TASOR2: variants seen among roughly 807,000 people sequenced by gnomAD.
The protein encoded by TASOR2 is transcription activation suppressor family member 2, also known as protein TASOR 2.
In TASOR2, 84 loss-of-function variants were observed where a neutral mutation model predicts 199.5. That is an observed-to-expected ratio of 0.42 (90% CI 0.35 to 0.50). TASOR2 has a LOEUF of 0.50. Ranked by LOEUF, TASOR2 falls within the 20% of genes least tolerant of loss-of-function variation. The pLI is 0.02. For synonymous variants in TASOR2, 1,103 were observed against 1,046.6 expected (o/e 1.05, Z -1.04); for missense variants, 2,796 against 2,835.9 (o/e 0.99, Z 0.32).
chr10:5,761,960 G>A (rs969682042), intron 19 of TASOR2, among the ~76,000 whole-genome samples: 4 of 151,910 alleles, frequency 2.6e-5, no homozygotes, highest in Admixed American at 6.6e-5. Context: ...CTTGAACCCC[G>A]GAGGCAGAGG....
In TASOR2 at chr10:5,687,148, T is replaced by C. The variant is rs541427436; in HGVS notation, c.-288+1973T>C. Among the ~76,000 whole-genome samples the C allele has an allele frequency of 6.6e-6, 1 of 152,326 alleles. No homozygotes were observed. The highest frequency in any genetic ancestry group is 1.9e-4 in the East Asian group (1 of 5,192). ...AAGCGTATCTGTGTAATAAATATGC[T>C]TTTTGTCAGTACATGTTAATGGTAT... On this transcript the variant is annotated intron_variant, in intron 1 of 20. Coordinates refer to ENST00000328090, the Ensembl canonical transcript of TASOR2. This position sits in a 1 kb window ranked among gnomAD's most constrained non-coding sequence, Gnocchi z 4.8.
rs1837382848 is a variant in TASOR2 at position 5,698,195 on chromosome 10, G to C, written c.-288+13020G>C. Among the ~76,000 whole-genome samples, 1 of 152,200 alleles carries C rather than the reference G, an allele frequency of 6.6e-6. No homozygotes were observed. Among genetic ancestry groups the C allele is most frequent in the South Asian group, 2.1e-4 (1 of 4,832 alleles). ...TCAGTTTCAAGCCTAAGCCTTAAGA[G>C]GCCTTGGGTATTTTTATTTGTTCTC... On this transcript the variant is annotated intron_variant, in intron 1 of 20. Coordinates refer to ENST00000328090, the Ensembl canonical transcript of TASOR2. The surrounding 1 kb of genome is among the most constrained non-coding windows in gnomAD (Gnocchi z 4.4).
chr10:5,748,065 A>G lies in TASOR2; in HGVS notation c.4644A>G (p.Ser1548=). 6.2e-7 allele frequency: 1 copy of G among 1,614,258 alleles called. No individual in the cohort carries two copies. Among genetic ancestry groups the G allele is most frequent in the Non-Finnish European group, 8.5e-7 (1 of 1,180,042 alleles). ...CTTCTCCTGAAAAACTGGTAAAATC[A>G]GGAAATCCATTGCAGCCAGTTAGTA... The change falls in exon 15 of 21, where the codon TCA becomes TCG. Residue 1548 remains serine, a synonymous_variant. Transcript: ENST00000328090. This position sits in a 1 kb window ranked among gnomAD's most constrained non-coding sequence, Gnocchi z 5.1.
chr10:5,698,980 G>A lies in TASOR2; in HGVS notation c.-288+13805G>A, dbSNP rs192698985. On this transcript the variant is annotated intron_variant, in intron 1 of 20. Coordinates refer to ENST00000328090, the Ensembl canonical transcript of TASOR2. This position sits in a 1 kb window ranked among gnomAD's most constrained non-coding sequence, Gnocchi z 4.4. Reference sequence around the variant, plus strand: ...GAAGAGCAAGCCATTCTACTCTAAGGTATATACGTAAGAGAAATGAAAACA... The same window carrying A: ...GAAGAGCAAGCCATTCTACTCTAAGATATATACGTAAGAGAAATGAAAACA... Among the ~76,000 whole-genome samples the A allele has an allele frequency of 3.6e-3, 547 of 152,180 alleles. 5 individuals are homozygous for A. The highest frequency in any genetic ancestry group is 7.7e-3 in the Admixed American group (117 of 15,260).
chr10:5,763,081 A>ATCT (rs1315822069), exon 21 of TASOR2: 2 of 1,598,746 alleles, frequency 1.3e-6, no homozygotes, highest in Admixed American at 3.4e-5. Flanking sequence ...AAAAATTAGT[A>ATCT]TTTTCCCTTT....
rs568139170 is a variant in TASOR2 at position 5,688,082 on chromosome 10, T to C, written c.-288+2907T>C. On this transcript the variant is annotated intron_variant, in intron 1 of 20. Transcript: ENST00000328090. Reference sequence around the variant, plus strand: ...TGCTTTTGTATTCATTGTGTTGCCATGTATTATTTTGGTTGAAGTGCATGA... The same window carrying C: ...TGCTTTTGTATTCATTGTGTTGCCACGTATTATTTTGGTTGAAGTGCATGA... 2.0e-3 allele frequency among the ~76,000 whole-genome samples: 312 copies of C among 152,328 alleles called. 3 individuals carry two copies. The Middle Eastern group carries it at 0.034, about 17-fold the overall frequency.
intron 3 of TASOR2, among the ~76,000 whole-genome samples, chr10:5,718,225 G>A (rs540139549): frequency 2.0e-5 from 3 of 152,040 alleles, no homozygotes; most frequent in African/African-American, 7.2e-5. Flanking sequence ...GTACTGTTAA[G>A]TGAATCGTGC....
chr10:5,716,913 A>AATATAT (rs1016030199), intron 2 of TASOR2, among the ~76,000 whole-genome samples: 1 of 147,570 alleles, frequency 6.8e-6, no homozygotes, highest in African/African-American at 2.5e-5. Context: ...TATAAATATA[A>AATATAT]ATATATATAT....
In TASOR2 at chr10:5,723,030, A is replaced by G. The variant is rs1257244444; in HGVS notation, c.147-647A>G. Among the ~76,000 whole-genome samples, 27 of 141,618 alleles carry G rather than the reference A, an allele frequency of 1.9e-4. No homozygotes were observed. The Admixed American group carries it at 1.9e-3, about 10-fold the overall frequency. The allele number at this position is 141,618 out of a possible 152,430, so 92.9% of individuals were successfully genotyped here. On this transcript the variant is annotated intron_variant, in intron 6 of 20. Transcript: ENST00000328090. ...CTCACACACAAAAAAAGGAAAAAGT[A>G]GTCAGGAAATAACTTTTTTTTTTTT...
At chr10:5,739,446 A>G (rs115195338) in intron 12 of TASOR2, among the ~76,000 whole-genome samples, 172 bp from the exon 14 acceptor site, 3,754 of 152,336 alleles carry the variant, frequency 0.025, 58 homozygotes, top group South Asian at 0.037. Flanking sequence ...TGTATAACAT[A>G]AGTTTTATCT....
chr10:5,762,432 A>AG (rs1290999918), intron 19 of TASOR2, 100 bp from the exon 21 acceptor site: 2 of 382,022 alleles, frequency 5.2e-6, no homozygotes, highest in African/African-American at 4.3e-5. Flanking sequence ...CCCTCACACG[A>AG]GGAAGTTCCA....
chr10:5,752,925 G>A lies in TASOR2; in HGVS notation c.6606+2898G>A, dbSNP rs1219454522. On this transcript the variant is annotated intron_variant, in intron 15 of 20. Transcript: ENST00000328090. The surrounding 1 kb of genome is among the most constrained non-coding windows in gnomAD (Gnocchi z 4.4). ...GCTATTTAGACTTCATCCTGAGGTC[G>A]CTGGGAGCCACTGGAAAGGTTCTGT... Among the ~76,000 whole-genome samples the A allele has an allele frequency of 6.6e-6, 1 of 152,190 alleles. No homozygotes were observed. The highest frequency in any genetic ancestry group is 1.5e-5 in the Non-Finnish European group (1 of 68,026).
chr10:5,724,442 A>G, exon 8 of TASOR2: 1 of 1,532,656 alleles, frequency 6.5e-7, no homozygotes, highest in East Asian at 2.6e-5. Flanking sequence ...TGTTTTCAAG[A>G]TTTGTGCTTC....
chr10:5,709,701 G>T (rs1251749561), intron 1 of TASOR2: 2 of 1,218,348 alleles, frequency 1.6e-6, no homozygotes, highest in African/African-American at 3.1e-5. Flanking sequence ...CATAACTAAT[G>T]AATCCAGAAT....
Position 5,685,935 on chromosome 10 carries a change from G to C in TASOR2, c.-288+760G>C, listed in dbSNP as rs1835760711. On this transcript the variant is annotated intron_variant, in intron 1 of 20. Transcript: ENST00000328090. This position sits in a 1 kb window ranked among gnomAD's most constrained non-coding sequence, Gnocchi z 5.4. ...CAAAACTTAAATATGTGGCGTACAA[G>C]TGTATGGTATTATTGGAATGGCATT... Among the ~76,000 whole-genome samples, 1 of 152,196 alleles carries C rather than the reference G, an allele frequency of 6.6e-6. No individual in the cohort carries two copies. Among genetic ancestry groups the C allele is most frequent in the South Asian group, 2.1e-4 (1 of 4,832 alleles).
chr10:5,758,647 T>G (rs1839321157), intron 17 of TASOR2, among the ~76,000 whole-genome samples: 1 of 152,256 alleles, frequency 6.6e-6, no homozygotes. Context: ...TGGTGACCAC[T>G]CCACTGTGTT....
chr10:5,695,492 A>C (rs2131503389), intron 1 of TASOR2, among the ~76,000 whole-genome samples: 1 of 152,312 alleles, frequency 6.6e-6, no homozygotes, highest in South Asian at 2.1e-4. Flanking sequence ...CATTAGTAAA[A>C]TGAGGTCTTC....
In TASOR2 at chr10:5,720,315, C is replaced by T; in HGVS notation, c.-99-229C>T. 3 of 985,256 alleles carry T rather than the reference C, an allele frequency of 3.0e-6. No individual in the cohort carries two copies. Among genetic ancestry groups the T allele is most frequent in the Non-Finnish European group, 3.6e-6 (3 of 829,760 alleles). The allele number at this position is 985,256 out of a possible 1,614,324, so 61.0% of individuals were successfully genotyped here. On this transcript the variant is annotated intron_variant, in intron 3 of 20. Coordinates refer to ENST00000328090, the Ensembl canonical transcript of TASOR2. The surrounding 1 kb of genome is among the most constrained non-coding windows in gnomAD (Gnocchi z 5.3). ...ACAACTAACTATACTAAGCCATCTT[C>T]TGGCTATGATTGCCACGTGTCTGAA...
At position 5,735,540 on chromosome 10, in the gene TASOR2, C is replaced by T. The variant is rs1835448576; in HGVS notation, c.1441C>T (p.Gln481Ter). 1 of 1,612,968 alleles carries T rather than the reference C, an allele frequency of 6.2e-7. No homozygotes were observed. The highest frequency in any genetic ancestry group is 1.3e-5 in the African/African-American group (1 of 74,730). ...GAACCCCAGAAACAGAAAGCAGCTA[C>T]AACCTGGTAAGAAATACTCTTCCTA... Residue 481 changes from glutamine (Q) to a stop codon, truncating the protein, a stop_gained, in exon 12 of 21, where the codon CAA (glutamine) becomes TAA (stop). Coordinates refer to ENST00000328090, the Ensembl canonical transcript of TASOR2. LOFTEE classifies it high-confidence loss of function.
Sources: allele counts gnomAD v4.1 joint callset (sites outside exome capture counted in the v4.1 genomes callset), GRCh38; gene constraint gnomAD v4.1.1; non-coding constraint Gnocchi (gnomAD v3.1); transcripts MANE v1.5; gene names NCBI Gene and HGNC (gene_info 2026-07-23, HGNC 2026-07-21).